The following HIP1 variants were observed in gnomAD, a reference collection of about 807,000 sequenced individuals.
The protein encoded by HIP1 is huntingtin interacting protein 1, also known as huntingtin-interacting protein 1.
In HIP1, 65 loss-of-function variants were observed where a neutral mutation model predicts 147.6. The observed-to-expected ratio is 0.44, with a 90% CI of 0.36 to 0.54. The LOEUF (loss-of-function observed/expected upper bound fraction) is 0.54, where lower values mean the gene tolerates loss of function less well. Ranked by LOEUF, HIP1 falls within the 20% of genes least tolerant of loss-of-function variation. The pLI is 0.00. For missense variants in HIP1, 1,061 were observed against 1,299.6 expected, an observed-to-expected ratio of 0.82 and a Z score of 2.82; for synonymous variants, 479 against 504.0, an observed-to-expected ratio of 0.95 and a Z score of 0.67.
chr7:75,651,294 A>T (rs932869662), intron 1 of HIP1, among the ~76,000 whole-genome samples: 1 of 151,762 alleles, frequency 6.6e-6, no homozygotes, highest in Non-Finnish European at 1.5e-5. Context: ...CACCGTCTCT[A>T]CTAAAAATAC....
At chr7:75,554,995 C>T (rs1794934443) in intron 19 of HIP1, among the ~76,000 whole-genome samples, 1 of 151,884 alleles carries the variant, frequency 6.6e-6, no homozygotes, top group East Asian at 1.9e-4. Context: ...AGCCTGAGCC[C>T]AGGTCTTCAA....
At chr7:75,681,018 C>T (rs978873411) in intron 1 of HIP1, among the ~76,000 whole-genome samples, 3 of 152,134 alleles carry the variant, frequency 2.0e-5, no homozygotes, top group Admixed American at 6.6e-5. Flanking sequence ...CCTCCTGATC[C>T]GCCCACCTCG....
chr7:75,619,265 G>A (rs1425170138), intron 1 of HIP1, among the ~76,000 whole-genome samples: 4 of 152,304 alleles, frequency 2.6e-5, no homozygotes, highest in African/African-American at 9.6e-5. Context: ...GCTCATGCCT[G>A]TAATCCCAGC....
chr7:75,727,051 C>G (rs1417694422), intron 1 of HIP1, among the ~76,000 whole-genome samples: 1 of 151,872 alleles, frequency 6.6e-6, no homozygotes, highest in East Asian at 1.9e-4. Flanking sequence ...AGTTTATTGG[C>G]CATTTGTTTA....
chr7:75,557,851 C>T, intron 15 of HIP1, 81 bp from the exon 16 acceptor site: 1 of 1,046,044 alleles, frequency 9.6e-7, no homozygotes, highest in South Asian at 1.3e-5. Flanking sequence ...CATACTCAGG[C>T]TGTGCGTGCC....
chr7:75,659,619 A>T (rs1799244513), intron 1 of HIP1, among the ~76,000 whole-genome samples: 1 of 152,068 alleles, frequency 6.6e-6, no homozygotes, highest in African/African-American at 2.4e-5. Context: ...ACTGGACTCC[A>T]GCCTGGGTGA....
chr7:75,594,987 C>T (rs1441790947), intron 2 of HIP1, among the ~76,000 whole-genome samples: 2 of 152,128 alleles, frequency 1.3e-5, no homozygotes, highest in African/African-American at 2.4e-5. Context: ...AAGGCTAGGT[C>T]GCAAGTGCAC....
intron 1 of HIP1, among the ~76,000 whole-genome samples, chr7:75,631,405 C>A (rs1481431207): frequency 6.6e-6 from 1 of 152,156 alleles, no homozygotes; most frequent in African/African-American, 2.4e-5. Flanking sequence ...CAAGTGGTAG[C>A]AACGGGACCT....
At chr7:75,539,257 A>G in intron 30 of HIP1, 66 bp downstream of exon 30, 2 of 1,134,346 alleles carry the variant, frequency 1.8e-6, no homozygotes, top group South Asian at 2.5e-5. Flanking sequence ...ATTCTAGGGG[A>G]AGGCCCTGGC....
intron 7 of HIP1, among the ~76,000 whole-genome samples, chr7:75,578,737 C>T (rs587675050): frequency 1.3e-5 from 2 of 152,122 alleles, no homozygotes; most frequent in Admixed American, 6.6e-5. Flanking sequence ...TATCCACATA[C>T]GTTGTTCCCA....
intron 1 of HIP1, among the ~76,000 whole-genome samples, chr7:75,710,314 AC>A: frequency 6.6e-6 from 1 of 152,272 alleles, no homozygotes; most frequent in East Asian, 1.9e-4. Flanking sequence ...TATTACATTG[AC>A]CAGTTTTCAT....
chr7:75,654,165 C>T (rs145270565), intron 1 of HIP1, among the ~76,000 whole-genome samples: 9 of 152,174 alleles, frequency 5.9e-5, no homozygotes, highest in South Asian at 4.2e-4. Context: ...GAGGCCAAGG[C>T]GGGCGGATCA....
intron 5 of HIP1, among the ~76,000 whole-genome samples, chr7:75,583,867 A>G (rs1014885307): frequency 6.0e-5 from 9 of 150,594 alleles, no homozygotes; most frequent in African/African-American, 2.2e-4. Context: ...ACCTCAGGTG[A>G]TCCGCCCGCC....
chr7:75,572,860 G>A (rs373002340), intron 8 of HIP1, among the ~76,000 whole-genome samples: 1 of 152,158 alleles, frequency 6.6e-6, no homozygotes, highest in African/African-American at 2.4e-5. Flanking sequence ...CCCAGCTGCA[G>A]ACTCAGGCAT....
At chr7:75,720,012 A>C (rs920913646) in intron 1 of HIP1, among the ~76,000 whole-genome samples, 1 of 152,202 alleles carries the variant, frequency 6.6e-6, no homozygotes, top group Non-Finnish European at 1.5e-5. Flanking sequence ...CACATTAGAC[A>C]ACTCCAGGAA....
intron 9 of HIP1, among the ~76,000 whole-genome samples, chr7:75,564,513 C>T (rs1431054191): frequency 2.6e-5 from 4 of 152,098 alleles, no homozygotes; most frequent in Non-Finnish European, 1.5e-5. Context: ...AGGCTGGTTT[C>T]GAACTCCCGA....
At chr7:75,729,595 G>A (rs568778599) in intron 1 of HIP1, among the ~76,000 whole-genome samples, 1 of 152,156 alleles carries the variant, frequency 6.6e-6, no homozygotes, top group Admixed American at 6.5e-5. Context: ...AGACCAGCCT[G>A]GCTAACATGG....
intron 9 of HIP1, among the ~76,000 whole-genome samples, chr7:75,563,604 T>G (rs782211388): frequency 1.3e-5 from 2 of 152,222 alleles, no homozygotes; most frequent in Admixed American, 1.3e-4. Context: ...TTAAAAGAAA[T>G]TGACTTTCTC....
intron 1 of HIP1, among the ~76,000 whole-genome samples, chr7:75,671,037 A>G (rs2705822): frequency 0.56 from 85,474 of 151,496 alleles, 24,562 homozygotes; most frequent in African/African-American, 0.66. Flanking sequence ...TGCACTTAGC[A>G]TAATGTCCTC....
Sources: gnomAD v4.1 joint callset for allele counts (sites outside exome capture counted in the v4.1 genomes callset) on GRCh38, gnomAD v4.1.1 for gene constraint, MANE v1.5 for transcripts, NCBI Gene and HGNC (gene_info 2026-07-23, HGNC 2026-07-21) for gene names.